The following SPIRE1 variants were observed in gnomAD, a reference collection of about 807,000 sequenced individuals.
The protein encoded by SPIRE1 is spire type actin nucleation factor 1.
A neutral mutation model predicts 94.1 loss-of-function variants in SPIRE1; 40 were observed. The ratio of observed to expected loss-of-function variants is 0.43; its 90% CI spans 0.33 to 0.55. The LOEUF (loss-of-function observed/expected upper bound fraction) is 0.55. SPIRE1 is among the 20% of genes least tolerant of loss of function. The pLI, the probability that SPIRE1 is intolerant of heterozygous loss-of-function variation, is 0.06. For missense variants in SPIRE1, 838 were observed against 975.2 expected, an observed-to-expected ratio of 0.86 and a Z score of 1.87; for synonymous variants, 376 against 371.7, an observed-to-expected ratio of 1.01 and a Z score of -0.13.
At chr18:12,532,715 T>G (rs1392028698) in intron 4 of SPIRE1, among the ~76,000 whole-genome samples, 1 of 152,202 alleles carries the variant, frequency 6.6e-6, no homozygotes, top group Non-Finnish European at 1.5e-5. Flanking sequence ...TTTACATACA[T>G]AAACTAACAT....
chr18:12,623,748 C>T (rs1049278605), intron 2 of SPIRE1, among the ~76,000 whole-genome samples: 4 of 152,150 alleles, frequency 2.6e-5, no homozygotes, highest in African/African-American at 9.7e-5. Context: ...CTTGTCTCAG[C>T]CTCCCAAGTA....
chr18:12,552,047 C>T (rs865802624), intron 2 of SPIRE1, among the ~76,000 whole-genome samples: 1 of 152,322 alleles, frequency 6.6e-6, no homozygotes, highest in Middle Eastern at 3.4e-3. Context: ...GAAAGTAAAT[C>T]GGGCTGAGGC....
chr18:12,525,194 G>A (rs1311143280), intron 4 of SPIRE1, among the ~76,000 whole-genome samples: 7 of 147,092 alleles, frequency 4.8e-5, no homozygotes, highest in Non-Finnish European at 1.0e-4. Context: ...GGAGAATGGC[G>A]TGAACCCGGA....
chr18:12,517,593 G>T (rs1187983176), intron 4 of SPIRE1, among the ~76,000 whole-genome samples: 2 of 152,146 alleles, frequency 1.3e-5, no homozygotes, highest in Non-Finnish European at 2.9e-5. Flanking sequence ...TTGAGATATG[G>T]TGAGAAAGTT....
At chr18:12,470,312 C>T (rs935044538) in intron 10 of SPIRE1, among the ~76,000 whole-genome samples, 4 of 152,172 alleles carry the variant, frequency 2.6e-5, no homozygotes, top group African/African-American at 4.8e-5. Flanking sequence ...TAAGGTTTGA[C>T]ATTAGCATCT....
intron 2 of SPIRE1, among the ~76,000 whole-genome samples, chr18:12,617,052 G>A: frequency 6.7e-6 from 1 of 150,326 alleles, no homozygotes; most frequent in East Asian, 2.0e-4. Flanking sequence ...TAGAGACGGG[G>A]TTTCACTATG....
intron 2 of SPIRE1, among the ~76,000 whole-genome samples, chr18:12,557,834 G>C (rs985618947): frequency 3.3e-5 from 5 of 151,878 alleles, no homozygotes; most frequent in African/African-American, 1.2e-4. Context: ...CAGACCAATG[G>C]AACAGAATAG....
chr18:12,592,898 T>C, intron 2 of SPIRE1, among the ~76,000 whole-genome samples: 1 of 152,126 alleles, frequency 6.6e-6, no homozygotes, highest in East Asian at 1.9e-4. Context: ...AGTCTCACTA[T>C]CTTGCCCAGG....
At chr18:12,537,907 T>G (rs1351092676) in intron 3 of SPIRE1, among the ~76,000 whole-genome samples, 1 of 152,150 alleles carries the variant, frequency 6.6e-6, no homozygotes, top group Non-Finnish European at 1.5e-5. Context: ...GACAATATAG[T>G]TAAGGCAACA....
chr18:12,503,614 T>C (rs958180240), intron 6 of SPIRE1, among the ~76,000 whole-genome samples: 10 of 152,092 alleles, frequency 6.6e-5, no homozygotes, highest in African/African-American at 2.2e-4. Context: ...TGGGTTTTTT[T>C]CCCCCTACTT....
At chr18:12,633,539 G>A (rs1012187502) in intron 2 of SPIRE1, among the ~76,000 whole-genome samples, 3 of 150,264 alleles carry the variant, frequency 2.0e-5, no homozygotes, top group Non-Finnish European at 4.4e-5. Flanking sequence ...TTGTGCCACT[G>A]CACTCCAGCC....
chr18:12,645,189 A>G (rs1456895576), intron 1 of SPIRE1, among the ~76,000 whole-genome samples: 1 of 152,068 alleles, frequency 6.6e-6, no homozygotes, highest in Non-Finnish European at 1.5e-5. Flanking sequence ...TAAGCATCAG[A>G]GCCAAAAGAA....
intron 4 of SPIRE1, among the ~76,000 whole-genome samples, chr18:12,519,782 T>G (rs1012495906): frequency 6.6e-6 from 1 of 152,192 alleles, no homozygotes; most frequent in Admixed American, 6.5e-5. Flanking sequence ...CTTATCACTG[T>G]GAAAACACAT....
At chr18:12,636,545 A>C (rs2144827147) in intron 1 of SPIRE1, among the ~76,000 whole-genome samples, 1 of 152,238 alleles carries the variant, frequency 6.6e-6, no homozygotes, top group South Asian at 2.1e-4. Context: ...AAAAAATAAA[A>C]GAAGACAACC....
At chr18:12,475,541 T>C (rs4797689) in intron 10 of SPIRE1, among the ~76,000 whole-genome samples, 6,520 of 151,260 alleles carry the variant, frequency 0.043, 152 homozygotes, top group South Asian at 0.093. Flanking sequence ...GTGAAAAGAA[T>C]AGGAGAAGAG....
At chr18:12,459,627 G>T in intron 12 of SPIRE1, 2 of 420,886 alleles carry the variant, frequency 4.8e-6, no homozygotes, top group Non-Finnish European at 6.4e-6. Context: ...CCTGCACAAG[G>T]GTGGAATCAA....
At chr18:12,563,817 C>T (rs1487986665) in intron 2 of SPIRE1, among the ~76,000 whole-genome samples, 1 of 152,060 alleles carries the variant, frequency 6.6e-6, no homozygotes, top group Admixed American at 6.5e-5. Context: ...TACAGAAGAA[C>T]ATAAGATGAA....
intron 9 of SPIRE1, among the ~76,000 whole-genome samples, chr18:12,485,155 T>C (rs1332490616): frequency 2.0e-5 from 3 of 149,968 alleles, no homozygotes; most frequent in African/African-American, 7.3e-5. Flanking sequence ...CCCAGGCTGA[T>C]GTTCAGTGGC....
chr18:12,549,455 T>G (rs1362973751), intron 2 of SPIRE1, among the ~76,000 whole-genome samples: 15 of 120,946 alleles, frequency 1.2e-4, no homozygotes, highest in Non-Finnish European at 1.6e-4. Flanking sequence ...TTTTTTTTTT[T>G]TTTTTTTTTT....
Sources: allele counts gnomAD v4.1 joint callset (sites outside exome capture counted in the v4.1 genomes callset), GRCh38; gene constraint gnomAD v4.1.1; transcripts MANE v1.5; gene names NCBI Gene and HGNC (gene_info 2026-07-23, HGNC 2026-07-21).